Variants in STAT3 observed in about 807,000 individuals in gnomAD.
STAT3 encodes the protein DNA-binding protein APRF.
In STAT3, 7 loss-of-function variants were observed where a neutral mutation model predicts 114.3. The observed-to-expected ratio is 0.06, with a 90% CI of 0.03 to 0.11. STAT3 has a LOEUF of 0.11. STAT3 is among the 10% of genes least tolerant of loss of function. The probability of loss-of-function intolerance (pLI) is 1.00; values close to 1 mark genes in which losing one functional copy is unlikely to be tolerated. For synonymous variants in STAT3, 331 were observed against 354.5 expected, an observed-to-expected ratio of 0.93 and a Z score of 0.74; for missense variants, 364 against 960.9, an observed-to-expected ratio of 0.38 and a Z score of 8.21.
At position 42,314,608 on chromosome 17, in the gene STAT3, C is replaced by T; in HGVS notation, c.*1137G>A. 4.3e-6 allele frequency: 1 copy of T among 231,762 alleles called. No individual in the cohort carries two copies. The highest frequency in any genetic ancestry group is 8.6e-6 in the Non-Finnish European group (1 of 116,840). The allele number at this position is 231,762 out of a possible 1,614,324, so 14.4% of individuals were successfully genotyped here. ...AGAAAGGGAGTCAAGGTTGTAAGCA[C>T]CCTCTGCCCAGCCTTACTCACTAAA... On this transcript the variant is annotated 3_prime_UTR_variant, in exon 24 of 24. Transcript: ENST00000264657.
rs1048634762 is a variant in STAT3, at chr17:42,348,541, T to A, written c.-23-2A>T. ...TCCTGCTAAAATCAGGGGTCCCAAC[T>A]GTAAACCAAAGTGTGCATATGTTCA... On this transcript the variant is annotated splice_acceptor_variant, in intron 1 of 23. Transcript: ENST00000264657. LOFTEE classifies it low-confidence loss of function (5UTR_SPLICE). 6.2e-7 allele frequency: 1 copy of A among 1,612,650 alleles called. No homozygotes were observed. Among genetic ancestry groups the A allele is most frequent in the Non-Finnish European group, 8.5e-7 (1 of 1,179,856 alleles).
intron 1 of STAT3, among the ~76,000 whole-genome samples, chr17:42,363,849 G>A (rs1397846020): frequency 6.6e-6 from 1 of 151,798 alleles, no homozygotes; most frequent in Non-Finnish European, 1.5e-5. Context: ...ATTTGTTCTT[G>A]CCTAAAATGC....
rs571170382 is a variant in STAT3 at position 42,323,678 on chromosome 17, G to A, written c.1601-53C>T. The A allele has an allele frequency of 1.7e-4, 261 of 1,564,436 alleles. 3 individuals carry two copies. In the South Asian group the frequency reaches 2.7e-3, roughly 16 times the overall value. On this transcript the variant is annotated intron_variant, in intron 17 of 23. Transcript: ENST00000264657. ...TACATTTTCAGCTTGGGGTCAAGAG[G>A]TTATTTCTTAAAACAGAACACACAC... is the stretch of plus-strand genomic sequence containing the variant.
At chr17:42,356,891 G>A (rs2083255130) in intron 1 of STAT3, among the ~76,000 whole-genome samples, 2 of 152,168 alleles carry the variant, frequency 1.3e-5, no homozygotes, top group South Asian at 4.1e-4. Context: ...GAGTTCAAGT[G>A]ATTCTCATGC....
chr17:42,378,358 G>T (rs113333431), intron 1 of STAT3, among the ~76,000 whole-genome samples: 2,154 of 152,264 alleles, frequency 0.014, 18 homozygotes, highest in Middle Eastern at 0.034. Context: ...CGATTCTCTT[G>T]CTTTAGCCTC....
At chr17:42,343,315 C>T (rs959993309) in intron 4 of STAT3, among the ~76,000 whole-genome samples, 1 of 151,646 alleles carries the variant, frequency 6.6e-6, no homozygotes, top group Non-Finnish European at 1.5e-5. Context: ...ACGGTAAAAC[C>T]CCTCACAGAA....
chr17:42,355,423 T>C (rs565823184), intron 1 of STAT3, among the ~76,000 whole-genome samples: 2 of 152,142 alleles, frequency 1.3e-5, no homozygotes, highest in Non-Finnish European at 2.9e-5. Flanking sequence ...GAGAAGACAA[T>C]TCATTACTCC....
chr17:42,346,793 G>C (rs551810864), intron 2 of STAT3, 80 bp from the exon 3 acceptor site: 6 of 1,599,030 alleles, frequency 3.8e-6, no homozygotes, highest in Non-Finnish European at 5.1e-6. Context: ...TCAAGAAAGA[G>C]GAAAAAAACA....
intron 5 of STAT3, 109 bp downstream of exon 5, chr17:42,339,205 G>A (rs2082341111): frequency 2.8e-6 from 3 of 1,076,592 alleles, no homozygotes; most frequent in South Asian, 1.3e-5. Context: ...GCAGTGAGCT[G>A]TGATCATGCC....
Position 42,314,697 on chromosome 17 carries a change from C to T in STAT3, c.*1048G>A, listed in dbSNP as rs887667252. The T allele has an allele frequency of 9.0e-6, 2 of 222,680 alleles. No individual in the cohort carries two copies. Among genetic ancestry groups the T allele is most frequent in the East Asian group, 1.3e-4 (2 of 15,484 alleles). 13.8% of individuals were successfully genotyped at this position (222,680 alleles called of 1,614,324 possible). ...AAAAAAAGTCTAAAATGCTTAGATT[C>T]TCCTTAAACCTTCCTATTTCAACAC... On this transcript the variant is annotated 3_prime_UTR_variant, in exon 24 of 24. Coordinates refer to ENST00000264657, the MANE Select transcript of STAT3 (RefSeq NM_139276.3).
chr17:42,345,660 A>G lies in STAT3; in HGVS notation c.274-3T>C, dbSNP rs375237933. 47 of 1,596,282 alleles carry G rather than the reference A, an allele frequency of 2.9e-5. No individual in the cohort carries two copies. Among genetic ancestry groups the G allele is most frequent in the Admixed American group, 1.2e-4 (7 of 58,974 alleles). On this transcript the variant is annotated splice_region_variant and splice_polypyrimidine_tract_variant and intron_variant, in intron 3 of 23. Coordinates refer to ENST00000264657, the MANE Select transcript of STAT3 (RefSeq NM_139276.3). ...ATTGGCTTCTCAAGATACCTGCTCTATAAGTAGGAGAGAAAGAGAATAAAA... is the reference window on the plus strand; with the variant it reads ...ATTGGCTTCTCAAGATACCTGCTCTGTAAGTAGGAGAGAAAGAGAATAAAA...
rs1247271189 is a variant in STAT3 at position 42,316,657 on chromosome 17, T to C, written c.2257+132A>G. On this transcript the variant is annotated intron_variant, in intron 23 of 23. Coordinates refer to ENST00000264657, the MANE Select transcript of STAT3 (RefSeq NM_139276.3). ...TCACACATGTGGCATTCATACCATC[T>C]CTTTTGGAAAGCAAAGCTCTAGAAT... The C allele has an allele frequency of 5.8e-6, 9 of 1,544,048 alleles. No homozygotes were observed. The South Asian group carries it at 1.1e-4, about 18-fold the overall frequency.
Position 42,317,451 on chromosome 17 carries a change from C to A in STAT3, c.2102-227G>T, listed in dbSNP as rs985969608. On this transcript the variant is annotated intron_variant, in intron 21 of 23. Transcript: ENST00000264657. ...ACTTCAGTTCTTTGCACAAAGCTGTCCTGAGCTGCAGAGACTTTTCAGCAT... is the reference window on the plus strand; with the variant it reads ...ACTTCAGTTCTTTGCACAAAGCTGTACTGAGCTGCAGAGACTTTTCAGCAT... 72 of 612,556 alleles carry A rather than the reference C, an allele frequency of 1.2e-4. 1 individual carries two copies. In the East Asian group the frequency reaches 1.9e-3, roughly 16 times the overall value. The allele number at this position is 612,556 out of a possible 1,614,324, so 37.9% of individuals were successfully genotyped here.
At position 42,337,649 on chromosome 17, in the gene STAT3, T is replaced by C; in HGVS notation, c.646-63A>G. On this transcript the variant is annotated intron_variant, in intron 7 of 23. Coordinates refer to ENST00000264657, the MANE Select transcript of STAT3 (RefSeq NM_139276.3). The surrounding 1 kb of genome is among the most constrained non-coding windows in gnomAD (Gnocchi z 4.0). ...TCAGACTGTCTCTAACCACATTCTT[T>C]AGTCAACTCCAGAGCAGGAACTTCT... The C allele has an allele frequency of 1.2e-6, 2 of 1,614,076 alleles. No individual in the cohort carries two copies. Among genetic ancestry groups the C allele is most frequent in the Middle Eastern group, 1.7e-4 (1 of 6,038 alleles).
In STAT3 at chr17:42,337,189, C is replaced by T. The variant is rs1272128415; in HGVS notation, c.797+246G>A. ...TAGAGATGTGTTTTCACCATGTTGG[C>T]CAGGCTGGTCTCAAACTCCTGACCT... On this transcript the variant is annotated intron_variant, in intron 8 of 23. Transcript: ENST00000264657. The surrounding 1 kb of genome is among the most constrained non-coding windows in gnomAD (Gnocchi z 4.0). Among the ~76,000 whole-genome samples the T allele has an allele frequency of 6.6e-6, 1 of 152,118 alleles. No individual in the cohort carries two copies. Among genetic ancestry groups the T allele is most frequent in the Non-Finnish European group, 1.5e-5 (1 of 68,022 alleles).
At chr17:42,316,749 C>T in intron 23 of STAT3, 40 bp downstream of exon 23, 2 of 1,613,474 alleles carry the variant, frequency 1.2e-6, no homozygotes, top group Non-Finnish European at 1.7e-6. Flanking sequence ...AGGGGACCAA[C>T]TTCCCTTATA....
rs1040092530 is a variant in STAT3 at position 42,314,667 on chromosome 17, T to C, written c.*1078A>G. On this transcript the variant is annotated 3_prime_UTR_variant, in exon 24 of 24. Coordinates refer to ENST00000264657, the MANE Select transcript of STAT3 (RefSeq NM_139276.3). Reference sequence around the variant, plus strand: ...ACATTACAAAGGAAAATAAGTCTATTTATAAAAAAAAGTCTAAAATGCTTA... The same window carrying C: ...ACATTACAAAGGAAAATAAGTCTATCTATAAAAAAAAGTCTAAAATGCTTA... 5 of 225,522 alleles carry C rather than the reference T, an allele frequency of 2.2e-5. No homozygotes were observed. The highest frequency in any genetic ancestry group is 1.1e-4 in the African/African-American group (5 of 44,804). 14.0% of individuals were successfully genotyped at this position (225,522 alleles called of 1,614,324 possible).
At chr17:42,379,161 ACTC>A in intron 1 of STAT3, among the ~76,000 whole-genome samples, 1 of 151,656 alleles carries the variant, frequency 6.6e-6, no homozygotes. Context: ...AATAATTTGC[ACTC>A]CTCCTCCACA....
At chr17:42,332,727 T>C (rs984809186) in intron 10 of STAT3, among the ~76,000 whole-genome samples, 3 of 151,658 alleles carry the variant, frequency 2.0e-5, no homozygotes, top group African/African-American at 4.8e-5. Flanking sequence ...CCGGTCCAGC[T>C]ACTCAGGGAG....
Sources: allele counts gnomAD v4.1 joint callset (sites outside exome capture counted in the v4.1 genomes callset), GRCh38; gene constraint gnomAD v4.1.1; non-coding constraint Gnocchi (gnomAD v3.1); transcripts MANE v1.5; gene names NCBI Gene and HGNC (gene_info 2026-07-23, HGNC 2026-07-21).